ITPK1: variants seen among roughly 807,000 people sequenced by gnomAD.
The protein encoded by ITPK1 is inositol 1,3,4-trisphosphate 5/6-kinase.
A neutral mutation model predicts 45.3 loss-of-function variants in ITPK1; 21 were observed. The observed-to-expected ratio is 0.46, with a 90% CI of 0.33 to 0.67. The LOEUF is 0.67. Among genes scored for constraint, ITPK1 ranks in the 30% least tolerant of loss-of-function variants. The probability of loss-of-function intolerance (pLI) is 0.02; values close to 1 mark genes in which losing one functional copy is unlikely to be tolerated. For missense variants in ITPK1, 474 were observed against 573.5 expected, an observed-to-expected ratio of 0.83 and a Z score of 1.77; for synonymous variants, 258 against 253.6, an observed-to-expected ratio of 1.02 and a Z score of -0.16.
rs201377361 is a variant in ITPK1 at position 92,958,193 on chromosome 14, G to C, written c.670+8C>G. The C allele has an allele frequency of 6.8e-6, 11 of 1,613,990 alleles. No homozygotes were observed. The highest frequency in any genetic ancestry group is 9.3e-6 in the Non-Finnish European group (11 of 1,179,870). On this transcript the variant is annotated splice_region_variant and intron_variant, in intron 8 of 10. Transcript: ENST00000267615. The surrounding 1 kb of genome is among the most constrained non-coding windows in gnomAD (Gnocchi z 4.4). ...TGCTCAGCCCAAGATGGTGAGAAGA[G>C]CAGTTACCTGATGTGCCTGCGGAGA...
intron 3 of ITPK1, among the ~76,000 whole-genome samples, chr14:93,033,697 C>T (rs1387790537): frequency 1.3e-5 from 2 of 152,104 alleles, no homozygotes; most frequent in African/African-American, 2.4e-5. Context: ...GAGAAAGAGG[C>T]GCTAGAGAGA....
At chr14:93,115,021 G>T in intron 2 of ITPK1, 48 bp downstream of exon 2, 1 of 1,264,522 alleles carries the variant, frequency 7.9e-7, no homozygotes, top group Non-Finnish European at 1.1e-6. Context: ...GGGGGTCACC[G>T]GGCTCGGGCC....
intron 10 of ITPK1, among the ~76,000 whole-genome samples, chr14:92,943,093 G>A (rs930249928): frequency 6.6e-6 from 1 of 152,260 alleles, no homozygotes; most frequent in African/African-American, 2.4e-5. Context: ...GCCCGCGGTG[G>A]AAATAAAGAT....
At chr14:93,062,445 TAAAAA>T (rs1007098513) in intron 3 of ITPK1, among the ~76,000 whole-genome samples, 1 of 149,200 alleles carries the variant, frequency 6.7e-6, no homozygotes, top group Non-Finnish European at 1.5e-5. Flanking sequence ...AAAGTTTAAT[TAAAAA>T]AAAAAGTTTT....
chr14:92,949,170 C>T (rs763706384), intron 9 of ITPK1, among the ~76,000 whole-genome samples: 3 of 152,026 alleles, frequency 2.0e-5, no homozygotes, highest in Non-Finnish European at 1.5e-5. Context: ...CACAACTCAC[C>T]GCAGCCTCGA....
intron 2 of ITPK1, among the ~76,000 whole-genome samples, chr14:93,087,980 C>T (rs553559450): frequency 1.3e-5 from 2 of 152,274 alleles, no homozygotes; most frequent in African/African-American, 4.8e-5. Flanking sequence ...GGCTGCAAAC[C>T]GGGGAGCTGG....
intron 3 of ITPK1, among the ~76,000 whole-genome samples, chr14:93,020,168 G>A (rs1298927373): frequency 3.9e-5 from 6 of 152,338 alleles, no homozygotes; most frequent in South Asian, 4.1e-4. Flanking sequence ...AGACTTACTA[G>A]AGGTGGGGGC....
intron 5 of ITPK1, among the ~76,000 whole-genome samples, chr14:92,989,368 C>T (rs1318438913): frequency 6.6e-6 from 1 of 152,138 alleles, no homozygotes; most frequent in Non-Finnish European, 1.5e-5. Context: ...CACCCATCAC[C>T]CCAAAGCAGT....
At chr14:93,100,533 G>GGAGGGAGAGAGAGA (rs1566786193) in intron 2 of ITPK1, among the ~76,000 whole-genome samples, 1 of 150,372 alleles carries the variant, frequency 6.7e-6, no homozygotes, top group Non-Finnish European at 1.5e-5. Context: ...GGGGGAGAGA[G>GGAGGGAGAGAGAGA]GAGGGAGAGA....
chr14:92,940,789 C>T lies in ITPK1; in HGVS notation c.*772G>A, dbSNP rs35502373. 0.099 allele frequency: 127,197 copies of T among 1,287,854 alleles called. 7,193 individuals are homozygous for T. The highest frequency in any genetic ancestry group is 0.21 in the African/African-American group (14,009 of 65,900). The allele number at this position is 1,287,854 out of a possible 1,614,324, so 79.8% of individuals were successfully genotyped here. A position where few individuals can be genotyped will look rare whatever the true frequency, so the allele number is the denominator to read the frequency against. On this transcript the variant is annotated 3_prime_UTR_variant, in exon 11 of 11. Coordinates refer to ENST00000267615, the MANE Select transcript of ITPK1 (RefSeq NM_014216.6). ...CACAAATCCTCAGCACAGGCGCCAT[C>T]GGCTCGGGCCTCCAGCCAGGCAGCC...
intron 2 of ITPK1, among the ~76,000 whole-genome samples, chr14:93,100,273 C>G (rs1229810283): frequency 6.6e-6 from 1 of 152,190 alleles, no homozygotes; most frequent in Non-Finnish European, 1.5e-5. Flanking sequence ...CCAACCAGCT[C>G]TGAATCCCAG....
intron 2 of ITPK1, among the ~76,000 whole-genome samples, chr14:93,077,695 C>T (rs980289308): frequency 1.3e-5 from 2 of 152,166 alleles, no homozygotes; most frequent in Non-Finnish European, 2.9e-5. Context: ...CTTTCTCCTC[C>T]CTGGCCCTGG....
At chr14:93,052,685 A>G (rs1179779680) in intron 3 of ITPK1, among the ~76,000 whole-genome samples, 1 of 152,098 alleles carries the variant, frequency 6.6e-6, no homozygotes. Flanking sequence ...TATATTCAAT[A>G]TAATACCTGC....
rs3814826 is a variant in ITPK1, at chr14:93,069,745, T to A, written c.120+6850A>T. 11 of 152,022 alleles carry A rather than the reference T, an allele frequency of 7.2e-5. No homozygotes were observed. The East Asian group carries it at 2.1e-3, about 30-fold the overall frequency. The allele number at this position is 152,022 out of a possible 1,614,324, so 9.4% of individuals were successfully genotyped here. A position where few individuals can be genotyped will look rare whatever the true frequency, so the allele number is the denominator to read the frequency against. ...ATGGACCTTCCCTTGGGTCTTAGTGTCTCTTTCTCAGACTTGCCTTTTCTT... is the reference window on the plus strand; with the variant it reads ...ATGGACCTTCCCTTGGGTCTTAGTGACTCTTTCTCAGACTTGCCTTTTCTT... On this transcript the variant is annotated intron_variant, in intron 3 of 10. Transcript: ENST00000267615.
At chr14:92,987,425 C>T (rs373275144) in intron 5 of ITPK1, among the ~76,000 whole-genome samples, 4 of 152,248 alleles carry the variant, frequency 2.6e-5, no homozygotes, top group East Asian at 1.9e-4. Context: ...CTGATGCTTC[C>T]GAGATTCCCA....
intron 2 of ITPK1, among the ~76,000 whole-genome samples, chr14:93,083,119 G>A (rs1182710581): frequency 2.6e-5 from 4 of 152,184 alleles, no homozygotes; most frequent in African/African-American, 9.7e-5. Flanking sequence ...GGCAGAAGTA[G>A]AAAAGAGTGA....
chr14:93,095,747 CCCATTTCCCCCTCTA>C (rs1181626365), intron 2 of ITPK1, among the ~76,000 whole-genome samples: 2 of 151,890 alleles, frequency 1.3e-5, no homozygotes, highest in African/African-American at 4.8e-5. Context: ...GCCCCCCTCT[CCCATTTCCCCCTCTA>C]GTAGTCCCCA....
intron 2 of ITPK1, among the ~76,000 whole-genome samples, chr14:93,106,649 G>C (rs1281911548): frequency 6.6e-6 from 1 of 152,202 alleles, no homozygotes; most frequent in Non-Finnish European, 1.5e-5. Flanking sequence ...CCTGTTTGCA[G>C]GTTTCCTGGC....
intron 2 of ITPK1, among the ~76,000 whole-genome samples, chr14:93,102,867 G>A (rs959212711): frequency 2.6e-5 from 4 of 152,122 alleles, no homozygotes; most frequent in Admixed American, 6.6e-5. Context: ...TTGGGAGGCC[G>A]AGGTGGGCGG....
Sources: gnomAD v4.1 joint callset for allele counts (sites outside exome capture counted in the v4.1 genomes callset) on GRCh38, gnomAD v4.1.1 for gene constraint, Gnocchi (gnomAD v3.1) non-coding constraint, MANE v1.5 for transcripts, NCBI Gene and HGNC (gene_info 2026-07-23, HGNC 2026-07-21) for gene names.